The following EP400 variants were observed in gnomAD, a reference collection of about 807,000 sequenced individuals.
EP400 encodes the protein E1A binding protein p400, also known as E1A-binding protein p400.
EP400 carries 105 observed loss-of-function variants against 354.1 expected under a neutral mutation model. The ratio of observed to expected loss-of-function variants is 0.30; its 90% CI spans 0.25 to 0.35. The LOEUF is 0.35. Among genes scored for constraint, EP400 ranks in the 10% least tolerant of loss-of-function variants. EP400 has a pLI of 1.00. For synonymous variants in EP400, 1,646 were observed against 1,716.9 expected (o/e 0.96, Z 1.02); for missense variants, 3,280 against 4,121.0 (o/e 0.80, Z 5.59).
intron 1 of EP400, among the ~76,000 whole-genome samples, chr12:131,959,327 C>T (rs1158245971): frequency 6.6e-6 from 1 of 152,198 alleles, no homozygotes; most frequent in Non-Finnish European, 1.5e-5. Flanking sequence ...TGCGTTTGCA[C>T]CCTTGCTTCT....
chr12:132,007,027 C>T lies in EP400; in HGVS notation c.3304+150C>T, dbSNP rs1012226910. ...GAGCAAATTGAGGCTCAGAAGTATT[C>T]ATTTTATGAATGAATAAAAAACTGG... On this transcript the variant is annotated intron_variant, in intron 15 of 52. Transcript: ENST00000389561. 4 of 797,442 alleles carry T rather than the reference C, an allele frequency of 5.0e-6. No individual in the cohort carries two copies. In the South Asian group the frequency reaches 7.0e-5, roughly 14 times the overall value. The allele number at this position is 797,442 out of a possible 1,614,324, so 49.4% of individuals were successfully genotyped here.
intron 1 of EP400, among the ~76,000 whole-genome samples, chr12:131,956,382 A>C (rs1891700202): frequency 6.6e-6 from 1 of 151,948 alleles, no homozygotes; most frequent in Non-Finnish European, 1.5e-5. Context: ...TGCTTTTTTC[A>C]CTTAATGTAT....
intron 12 of EP400, among the ~76,000 whole-genome samples, chr12:132,001,339 A>T (rs532878555): frequency 6.6e-6 from 1 of 152,222 alleles, no homozygotes; most frequent in Non-Finnish European, 1.5e-5. Context: ...CCTGCCTGGC[A>T]GCCGAGGCAG....
chr12:132,020,573 T>G (rs530264194), intron 22 of EP400, among the ~76,000 whole-genome samples: 14 of 152,336 alleles, frequency 9.2e-5, no homozygotes, highest in Admixed American at 5.9e-4. Flanking sequence ...CACTTGAACT[T>G]AATTATTCTT....
rs1321223846 is a variant in EP400, at chr12:132,066,168, C to T, written c.8554-606C>T. 3.3e-5 allele frequency: 5 copies of T among 152,150 alleles called. No individual in the cohort carries two copies. The East Asian group carries it at 9.6e-4, about 29-fold the overall frequency. 9.4% of individuals were successfully genotyped at this position (152,150 alleles called of 1,614,324 possible). On this transcript the variant is annotated intron_variant, in intron 48 of 52. Transcript: ENST00000389561. ...AATTCATGTCATTTTTGCACACTTT[C>T]ACGGTGAGCCACACAGATATGAACA...
intron 48 of EP400, chr12:132,065,843 AC>A (rs1282308236): frequency 6.6e-6 from 1 of 152,236 alleles, no homozygotes; most frequent in African/African-American, 2.4e-5. Context: ...TAGCCAGGGT[AC>A]CGGGTTCTTG....
chr12:132,055,134 G>A lies in EP400; in HGVS notation c.7810G>A (p.Ala2604Thr), dbSNP rs775034973. The A allele has an allele frequency of 8.1e-6, 13 of 1,610,944 alleles. No individual in the cohort carries two copies. The highest frequency in any genetic ancestry group is 2.7e-5 in the African/African-American group (2 of 74,784). ...VSGNVIVNTI[A>T]GVPAATFQSI... ...TGGAAATGTGATCGTGAACACCATC[G>A]CAGGGGTCCCAGCTGCCACCTTCCA... The change falls in exon 45 of 53, where the codon GCA becomes ACA. Residue 2604 changes from alanine (A) to threonine (T), a missense_variant. Physicochemically the swap from Ala to Thr is moderately conservative, Grantham distance 58. Around this residue, in one of 20 missense-constraint regions of EP400, gnomAD observed 255 missense variants for 295.9 expected, o/e 0.86. Transcript: ENST00000389561.
Position 132,028,173 on chromosome 12 carries a change from C to T in EP400, c.5266C>T (p.Arg1756Cys), listed in dbSNP as rs777740055. Residue 1756 changes from arginine (R) to cysteine (C), a missense_variant, in exon 27 of 53, where the codon CGT becomes TGT. Transcript: ENST00000389561. Reference protein sequence around the residue: ...RVQWRGSLDGRRGKEAGPAHS... With the variant: ...RVQWRGSLDGCRGKEAGPAHS... ...ACAGTGGCGTGGGTCCCTGGATGGC[C>T]GTCGTGGGAAGGAGGCCGGGCCAGC... 2.2e-5 allele frequency: 35 copies of T among 1,613,994 alleles called. No individual in the cohort carries two copies. Among genetic ancestry groups the T allele is most frequent in the Admixed American group, 1.0e-4 (6 of 59,996 alleles).
chr12:131,981,684 C>T, intron 4 of EP400, 88 bp downstream of exon 4: 1 of 1,168,190 alleles, frequency 8.6e-7, no homozygotes, highest in Non-Finnish European at 1.2e-6. Flanking sequence ...CAGACTTGGG[C>T]AGTGGAGGTA....
At chr12:132,024,327 C>G (rs1350683493) in intron 24 of EP400, among the ~76,000 whole-genome samples, 1 of 152,114 alleles carries the variant, frequency 6.6e-6, no homozygotes, top group Admixed American at 6.5e-5. Flanking sequence ...GAGCCGAGAT[C>G]GTGTCACTGC....
At position 132,032,128 on chromosome 12, in the gene EP400, G is replaced by A; in HGVS notation, c.5930G>A (p.Cys1977Tyr). 6.2e-7 allele frequency: 1 copy of A among 1,613,564 alleles called. No homozygotes were observed. Among genetic ancestry groups the A allele is most frequent in the Middle Eastern group, 1.7e-4 (1 of 6,044 alleles). ...GAGTGGTGCGATAGGATCGGGAGAT[G>A]CAAAGACATCCACATATACAGGTGA... Reference protein sequence around the residue: ...AQEWCDRIGRCKDIHIYRLVS... With the variant: ...AQEWCDRIGRYKDIHIYRLVS... Residue 1977 changes from cysteine (C) to tyrosine (Y), a missense_variant, in exon 30 of 53, where the codon TGC (cysteine) becomes TAC (tyrosine). Physicochemically the swap from Cys to Tyr is radical, Grantham distance 194 (BLOSUM62 -2). Coordinates refer to ENST00000389561, the MANE Select transcript of EP400 (RefSeq NM_015409.5).
chr12:132,030,004 T>C lies in EP400; in HGVS notation c.5600T>C (p.Leu1867Ser). Residue 1867 changes from leucine to serine, a missense_variant, in exon 29 of 53, where the codon TTA becomes TCA. Physicochemically the swap from Leu to Ser is moderately radical, Grantham distance 145 (BLOSUM62 -2). Around this residue, in one of 20 missense-constraint regions of EP400, gnomAD observed 459 missense variants for 496.9 expected, o/e 0.92. Transcript: ENST00000389561. ...VQFDSGKLEA[L>S]AILLQKLKSE... is the part of the protein sequence containing the mutation. Reference sequence around the variant, plus strand: ...CGTTTCCCAGGGAAGTTGGAAGCTTTAGCTATCTTGCTTCAGAAATTGAAA... The same window carrying C: ...CGTTTCCCAGGGAAGTTGGAAGCTTCAGCTATCTTGCTTCAGAAATTGAAA... 6.2e-7 allele frequency: 1 copy of C among 1,614,218 alleles called. No homozygotes were observed.
At chr12:132,043,799 A>C in intron 34 of EP400, 71 bp downstream of exon 34, 2 of 1,334,914 alleles carry the variant, frequency 1.5e-6, no homozygotes, top group Non-Finnish European at 2.1e-6. Context: ...ATTTGAAGTA[A>C]ATGTGACTTC....
In EP400 at chr12:132,006,771, G is replaced by C. The variant is rs1394817494; in HGVS notation, c.3198G>C (p.Leu1066=). Residue 1066 remains leucine (L), a synonymous_variant, in exon 15 of 53, where the codon CTG becomes CTC. Coordinates refer to ENST00000389561, the MANE Select transcript of EP400 (RefSeq NM_015409.5). ...RDYQKIGLDW[L]AKLYRKNLNG... The stretch of plus-strand genomic sequence containing the variant: ...ATCAGAAGATTGGCCTGGACTGGCT[G>C]GCCAAACTTTACAGGAAGAATCTCA... 1 of 1,613,972 alleles carries C rather than the reference G, an allele frequency of 6.2e-7. No homozygotes were observed. Among genetic ancestry groups the C allele is most frequent in the African/African-American group, 1.3e-5 (1 of 74,910 alleles).
chr12:131,960,320 A>G (rs908365414), intron 1 of EP400, among the ~76,000 whole-genome samples: 1 of 152,156 alleles, frequency 6.6e-6, no homozygotes, highest in Non-Finnish European at 1.5e-5. Context: ...CACACAAGTT[A>G]GCTGTTGAGG....
At chr12:132,033,497 G>C (rs939159544) in intron 30 of EP400, among the ~76,000 whole-genome samples, 1 of 151,898 alleles carries the variant, frequency 6.6e-6, no homozygotes, top group African/African-American at 2.4e-5. Context: ...AGGTCTCCTA[G>C]GTGGTAGCTG....
intron 7 of EP400, among the ~76,000 whole-genome samples, chr12:131,989,459 C>T (rs1017482371): frequency 1.3e-5 from 2 of 152,196 alleles, no homozygotes; most frequent in African/African-American, 2.4e-5. Flanking sequence ...CTCAGGGCTC[C>T]AAAGGTTTTC....
intron 29 of EP400, among the ~76,000 whole-genome samples, chr12:132,031,649 G>A (rs892668736): frequency 1.3e-5 from 2 of 152,152 alleles, no homozygotes; most frequent in East Asian, 1.9e-4. Context: ...GGCTCCTCCC[G>A]GGTTCACGCC....
At chr12:132,032,180 A>T (rs760698119) in intron 30 of EP400, 31 bp downstream of exon 30, 3 of 1,592,258 alleles carry the variant, frequency 1.9e-6, no homozygotes, top group Admixed American at 3.4e-5. Context: ...GGATCAGGAG[A>T]TGCAAAGACA....
Sources: allele counts gnomAD v4.1 joint callset (sites outside exome capture counted in the v4.1 genomes callset), GRCh38; gene constraint gnomAD v4.1.1; regional missense constraint gnomAD v4.1.1; transcripts MANE v1.5; gene names NCBI Gene and HGNC (gene_info 2026-07-23, HGNC 2026-07-21).